PPARD: variants seen among roughly 807,000 people sequenced by gnomAD.
PPARD encodes peroxisome proliferator-activated receptor delta.
A neutral mutation model predicts 39.5 loss-of-function variants in PPARD; 6 were observed. That is an observed-to-expected ratio of 0.15 (90% CI 0.08 to 0.30). The LOEUF is 0.30. Ranked by LOEUF, PPARD falls within the 10% of genes least tolerant of loss-of-function variation. The pLI, the probability that PPARD is intolerant of heterozygous loss-of-function variation, is 1.00. For missense variants in PPARD, 397 were observed against 596.8 expected (o/e 0.67, Z 3.49); for synonymous variants, 210 against 231.3 (o/e 0.91, Z 0.83).
rs552155772 is a variant in PPARD at position 35,375,668 on chromosome 6, G to C, written c.-102+28518G>C. 1.4e-4 allele frequency among the ~76,000 whole-genome samples: 21 copies of C among 152,098 alleles called. 1 individual carries two copies. The highest frequency in any genetic ancestry group is 2.4e-4 in the African/African-American group (10 of 41,496). On this transcript the variant is annotated intron_variant, in intron 2 of 7. Coordinates refer to ENST00000360694, the MANE Select transcript of PPARD (RefSeq NM_006238.5). ...GGGCTCAAGCAATCCTCCCACCTCA[G>C]CCTCCTAAGTAGCTGAGATTATAGG... is the stretch of plus-strand genomic sequence containing the variant.
At chr6:35,344,343 G>C (rs1451591180) in intron 1 of PPARD, among the ~76,000 whole-genome samples, 1 of 152,018 alleles carries the variant, frequency 6.6e-6, no homozygotes, top group Non-Finnish European at 1.5e-5. Context: ...ACCCTGGTGG[G>C]CTGTGGGGCT....
At chr6:35,415,157 G>T (rs978502716) in intron 3 of PPARD, among the ~76,000 whole-genome samples, 1 of 152,212 alleles carries the variant, frequency 6.6e-6, no homozygotes, top group Non-Finnish European at 1.5e-5. Context: ...TGGGCATCAG[G>T]CTGGGCCCAG....
intron 2 of PPARD, among the ~76,000 whole-genome samples, chr6:35,373,273 C>A (rs535295482): frequency 4.6e-5 from 7 of 152,292 alleles, no homozygotes; most frequent in African/African-American, 1.7e-4. Context: ...ATAGCAATGT[C>A]TTATAGAGTA....
intron 2 of PPARD, among the ~76,000 whole-genome samples, chr6:35,394,812 TA>T (rs984261887): frequency 7.8e-6 from 1 of 127,830 alleles, no homozygotes; most frequent in Non-Finnish European, 1.7e-5. Flanking sequence ...AGATAAGCAA[TA>T]AAAAAAGTAG....
At chr6:35,383,150 ATG>A (rs1763246638) in intron 2 of PPARD, among the ~76,000 whole-genome samples, 1 of 152,084 alleles carries the variant, frequency 6.6e-6, no homozygotes, top group Non-Finnish European at 1.5e-5. Context: ...AAAGGGGAGA[ATG>A]GATACCTGAG....
At chr6:35,421,741 T>C in intron 4 of PPARD, 79 bp from the exon 5 acceptor site, 3 of 1,473,646 alleles carry the variant, frequency 2.0e-6, no homozygotes, top group Non-Finnish European at 1.8e-6. Flanking sequence ...TGTTTACACC[T>C]TATACATAAT....
chr6:35,343,855 C>T (rs927340068), intron 1 of PPARD, among the ~76,000 whole-genome samples: 13 of 152,302 alleles, frequency 8.5e-5, no homozygotes, highest in African/African-American at 2.9e-4. Flanking sequence ...ATACCCCAGC[C>T]TCTCTCTGCC....
intron 3 of PPARD, among the ~76,000 whole-genome samples, chr6:35,416,771 G>A (rs1467421790): frequency 1.3e-5 from 2 of 152,172 alleles, no homozygotes; most frequent in African/African-American, 4.8e-5. Flanking sequence ...CCCCTTCCGT[G>A]ACAGTCACAT....
At chr6:35,362,651 T>C (rs2150499830) in intron 2 of PPARD, among the ~76,000 whole-genome samples, 1 of 152,166 alleles carries the variant, frequency 6.6e-6, no homozygotes, top group African/African-American at 2.4e-5. Flanking sequence ...TGGTGCTGTC[T>C]TGAGTCAGTG....
intron 2 of PPARD, among the ~76,000 whole-genome samples, chr6:35,399,184 CT>C (rs1244996159): frequency 1.3e-5 from 2 of 152,024 alleles, no homozygotes; most frequent in Non-Finnish European, 2.9e-5. Context: ...AGGCGGATAA[CT>C]TGAGGTGGGT....
At chr6:35,349,981 A>G (rs1165407266) in intron 2 of PPARD, among the ~76,000 whole-genome samples, 2 of 152,130 alleles carry the variant, frequency 1.3e-5, no homozygotes, top group African/African-American at 4.8e-5. Flanking sequence ...ACCTCAAGTG[A>G]TCTGCCTGCC....
At chr6:35,409,674 C>T (rs1765294808) in intron 2 of PPARD, among the ~76,000 whole-genome samples, 1 of 152,020 alleles carries the variant, frequency 6.6e-6, no homozygotes, top group Non-Finnish European at 1.5e-5. Flanking sequence ...AAGACTAGTA[C>T]CCGATAGTTA....
chr6:35,395,575 T>G (rs146514561), intron 2 of PPARD, among the ~76,000 whole-genome samples: 29 of 152,238 alleles, frequency 1.9e-4, no homozygotes, highest in African/African-American at 7.0e-4. Context: ...AATGCTGCAG[T>G]GACAGAGGTT....
At chr6:35,404,532 G>A (rs925601882) in intron 2 of PPARD, among the ~76,000 whole-genome samples, 81 of 152,334 alleles carry the variant, frequency 5.3e-4, no homozygotes, top group African/African-American at 1.7e-3. Flanking sequence ...CCTGGGTAGG[G>A]CAGAAGTGTT....
intron 2 of PPARD, among the ~76,000 whole-genome samples, chr6:35,385,646 T>TAAAAAAAAAAAAAAAAAAAAAAA (rs66948740): frequency 1.0e-5 from 1 of 96,562 alleles, no homozygotes; most frequent in South Asian, 3.0e-4. Context: ...TAAATAAATT[T>TAAAAAAAAAAAAAAAAAAAAAAA]AAAAAAAAAA....
At chr6:35,383,068 A>C (rs1254376098) in intron 2 of PPARD, among the ~76,000 whole-genome samples, 3 of 152,126 alleles carry the variant, frequency 2.0e-5, no homozygotes, top group Non-Finnish European at 4.4e-5. Context: ...TGGGCTTAGA[A>C]ATGTCACTGA....
At position 35,357,182 on chromosome 6, in the gene PPARD, G is replaced by A. The variant is rs77046810; in HGVS notation, c.-102+10032G>A. Among the ~76,000 whole-genome samples the A allele has an allele frequency of 6.4e-4, 97 of 152,288 alleles. No individual in the cohort carries two copies. The East Asian group carries it at 0.015, about 23-fold the overall frequency. ...CCTGCCCATTCCTAGTGTTTGACCTGGTGGTCATGGCACTCTGACCACATC... is the reference window on the plus strand; with the variant it reads ...CCTGCCCATTCCTAGTGTTTGACCTAGTGGTCATGGCACTCTGACCACATC... On this transcript the variant is annotated intron_variant, in intron 2 of 7. Transcript: ENST00000360694.
At chr6:35,423,482 G>A (rs1477560432) in intron 5 of PPARD, among the ~76,000 whole-genome samples, 1 of 150,156 alleles carries the variant, frequency 6.7e-6, no homozygotes, top group South Asian at 2.1e-4. Context: ...GCAGTGAGCC[G>A]AGATCGTGCC....
chr6:35,416,529 C>T (rs1339863050), intron 3 of PPARD, among the ~76,000 whole-genome samples: 11 of 152,060 alleles, frequency 7.2e-5, no homozygotes, highest in African/African-American at 1.4e-4. Flanking sequence ...CTTGGAGCCT[C>T]GGCTTCCTTG....
Sources: gnomAD v4.1 joint callset for allele counts (sites outside exome capture counted in the v4.1 genomes callset) on GRCh38, gnomAD v4.1.1 for gene constraint, MANE v1.5 for transcripts, NCBI Gene and HGNC (gene_info 2026-07-23, HGNC 2026-07-21) for gene names.